Variants in OSBPL3 observed in about 807,000 individuals in gnomAD.
OSBPL3 encodes the protein oxysterol binding protein like 3.
Under a neutral mutation model 120.1 loss-of-function variants are expected in OSBPL3, and 65 were observed. The ratio of observed to expected loss-of-function variants is 0.54; its 90% CI spans 0.44 to 0.67. The LOEUF (loss-of-function observed/expected upper bound fraction) is 0.67, where lower values mean the gene tolerates loss of function less well. Ranked by LOEUF, OSBPL3 falls within the 30% of genes least tolerant of loss-of-function variation. OSBPL3 has a pLI of 0.00. For synonymous variants in OSBPL3, 416 were observed against 402.6 expected (o/e 1.03, Z -0.40); for missense variants, 1,004 against 1,082.1 (o/e 0.93, Z 1.01).
intron 1 of OSBPL3, among the ~76,000 whole-genome samples, chr7:24,928,423 C>T (rs1185719948): frequency 6.6e-6 from 1 of 152,090 alleles, no homozygotes. Context: ...GATCTCCTGA[C>T]CTCGTGATCT....
chr7:24,842,683 T>A (rs955803889), intron 12 of OSBPL3, among the ~76,000 whole-genome samples: 1 of 152,206 alleles, frequency 6.6e-6, no homozygotes, highest in Non-Finnish European at 1.5e-5. Flanking sequence ...TCACTCTTTG[T>A]TCCATTTAAA....
At position 24,968,798 on chromosome 7, in the gene OSBPL3, T is replaced by A. The variant is rs971445272; in HGVS notation, c.-150+11088A>T. The stretch of plus-strand genomic sequence containing the variant: ...ATATATATTATATATGGATATTCTA[T>A]ACTTCACTTTTTTCTTAACTTCACA... On this transcript the variant is annotated intron_variant, in intron 1 of 22. Coordinates refer to ENST00000313367, the MANE Select transcript of OSBPL3 (RefSeq NM_015550.4). This position sits in a 1 kb window ranked among gnomAD's most constrained non-coding sequence, Gnocchi z 4.6. Among the ~76,000 whole-genome samples the A allele has an allele frequency of 6.6e-6, 1 of 152,232 alleles. No individual in the cohort carries two copies. Among genetic ancestry groups the A allele is most frequent in the Non-Finnish European group, 1.5e-5 (1 of 68,044 alleles).
chr7:24,802,603 G>A lies in OSBPL3; in HGVS notation c.2567+1712C>T, dbSNP rs1792508873. Among the ~76,000 whole-genome samples the A allele has an allele frequency of 1.3e-5, 2 of 152,188 alleles. No individual in the cohort carries two copies. The highest frequency in any genetic ancestry group is 6.5e-5 in the Admixed American group (1 of 15,282). On this transcript the variant is annotated intron_variant, in intron 22 of 22. Coordinates refer to ENST00000313367, the MANE Select transcript of OSBPL3 (RefSeq NM_015550.4). The surrounding 1 kb of genome is among the most constrained non-coding windows in gnomAD (Gnocchi z 4.1). Reference sequence around the variant, plus strand: ...CAGCAGAGCTCCACAGGCTTCGTAAGGTCATCCTTAATGCCTCATGTTGGA... The same window carrying A: ...CAGCAGAGCTCCACAGGCTTCGTAAAGTCATCCTTAATGCCTCATGTTGGA...
chr7:24,905,254 GAATAA>G (rs1257411864), intron 1 of OSBPL3, among the ~76,000 whole-genome samples: 2 of 151,960 alleles, frequency 1.3e-5, no homozygotes, highest in African/African-American at 2.4e-5. Flanking sequence ...TAACGGGAAA[GAATAA>G]AATAACCACA....
In OSBPL3 at chr7:24,918,847, T is replaced by C. The variant is rs1397526460; in HGVS notation, c.-149-26226A>G. 6.6e-6 allele frequency among the ~76,000 whole-genome samples: 1 copy of C among 152,176 alleles called. No homozygotes were observed. The highest frequency in any genetic ancestry group is 1.5e-5 in the Non-Finnish European group (1 of 68,016). On this transcript the variant is annotated intron_variant, in intron 1 of 22. Coordinates refer to ENST00000313367, the MANE Select transcript of OSBPL3 (RefSeq NM_015550.4). The surrounding 1 kb of genome is among the most constrained non-coding windows in gnomAD (Gnocchi z 4.3). ...AAGAATTTAGAATCGTATTACAAGG[T>C]ACCAAGAAAGCTTCTGCATCCATGA... is the stretch of plus-strand genomic sequence containing the variant.
rs772760950 is a variant in OSBPL3 at position 24,892,439 on chromosome 7, G to A, written c.34C>T (p.Gln12Ter). The change falls in exon 2 of 23, where the codon CAA becomes TAA. Residue 12 changes from glutamine to a stop codon, truncating the protein, a stop_gained. Coordinates refer to ENST00000313367, the MANE Select transcript of OSBPL3 (RefSeq NM_015550.4). LOFTEE classifies it high-confidence loss of function. ...MSDEKNLGVS[Q>*]KLVSPSRSTS... The stretch of plus-strand genomic sequence containing the variant: ...CTCCTTGAAGGTGATACCAATTTTT[G>A]GGACACACCAAGGTTCTTCTCATCA... 5 of 1,613,702 alleles carry A rather than the reference G, an allele frequency of 3.1e-6. No homozygotes were observed. In the Admixed American group the frequency reaches 8.3e-5, roughly 27 times the overall value.
At position 24,815,006 on chromosome 7, in the gene OSBPL3, T is replaced by C; in HGVS notation, c.2172+53A>G. On this transcript the variant is annotated intron_variant, in intron 19 of 22. Transcript: ENST00000313367. The surrounding 1 kb of genome is among the most constrained non-coding windows in gnomAD (Gnocchi z 5.1). ...TCAAATGCCCTGTGCTCTGGGGCCCTGGCTCTGCCACAGCCCTTCCAGGGT... is the reference window on the plus strand; with the variant it reads ...TCAAATGCCCTGTGCTCTGGGGCCCCGGCTCTGCCACAGCCCTTCCAGGGT... 1 of 1,585,394 alleles carries C rather than the reference T, an allele frequency of 6.3e-7. No homozygotes were observed. The highest frequency in any genetic ancestry group is 1.1e-5 in the South Asian group (1 of 89,892).
Position 24,838,222 on chromosome 7 carries a change from A to G in OSBPL3, c.1495+2468T>C, listed in dbSNP as rs112184783. Reference sequence around the variant, plus strand: ...TCAAGAAAGGCAATGTAGACCAGGCAAGGTGGCTCATGCCTATAATCCCAG... The same window carrying G: ...TCAAGAAAGGCAATGTAGACCAGGCGAGGTGGCTCATGCCTATAATCCCAG... On this transcript the variant is annotated intron_variant, in intron 14 of 22. Transcript: ENST00000313367. Among the ~76,000 whole-genome samples the G allele has an allele frequency of 4.1e-3, 626 of 152,296 alleles. 6 individuals carry two copies. Among genetic ancestry groups the G allele is most frequent in the African/African-American group, 0.015 (609 of 41,566 alleles).
In OSBPL3 at chr7:24,849,280, T is replaced by C; in HGVS notation, c.1159-104A>G. On this transcript the variant is annotated intron_variant, in intron 11 of 22. Transcript: ENST00000313367. This position sits in a 1 kb window ranked among gnomAD's most constrained non-coding sequence, Gnocchi z 5.4. Reference sequence around the variant, plus strand: ...GATCTCTAAGAGCTTGATGAAACTCTTAGTGACGTGGTCTGACAGCGCACT... The same window carrying C: ...GATCTCTAAGAGCTTGATGAAACTCCTAGTGACGTGGTCTGACAGCGCACT... 1 of 810,684 alleles carries C rather than the reference T, an allele frequency of 1.2e-6. No individual in the cohort carries two copies. Among genetic ancestry groups the C allele is most frequent in the South Asian group, 1.7e-5 (1 of 59,898 alleles). 50.2% of individuals were successfully genotyped at this position (810,684 alleles called of 1,614,324 possible).
intron 16 of OSBPL3, among the ~76,000 whole-genome samples, chr7:24,825,240 C>T (rs1323256813): frequency 6.6e-6 from 1 of 152,124 alleles, no homozygotes; most frequent in Non-Finnish European, 1.5e-5. Context: ...GTGGCCTGAG[C>T]TAGGTGACCA....
rs1357846678 is a variant in OSBPL3 at position 24,820,178 on chromosome 7, GC to G, written c.1944del (p.Trp648CysfsTer4). The G allele has an allele frequency of 6.2e-7, 1 of 1,603,006 alleles. No homozygotes were observed. Among genetic ancestry groups the G allele is most frequent in the East Asian group, 2.2e-5 (1 of 44,650 alleles). ...GTAAAATGTATTAGCACATTACCTTGCCAGAAAACAAAATTTCTAGACTCAG... is the reference window on the plus strand; with the variant it reads ...GTAAAATGTATTAGCACATTACCTTGCAGAAAACAAAATTTCTAGACTCAG... ...CHAESRNFVF[W>X]QDVRWKNKFW... is the part of the protein sequence containing the mutation. On this transcript the variant is annotated frameshift_variant, in exon 17 of 23. Transcript: ENST00000313367. LOFTEE classifies it high-confidence loss of function. The surrounding 1 kb of genome is among the most constrained non-coding windows in gnomAD (Gnocchi z 4.6).
At chr7:24,942,552 G>T (rs556432588) in intron 1 of OSBPL3, among the ~76,000 whole-genome samples, 1 of 152,352 alleles carries the variant, frequency 6.6e-6, no homozygotes, top group East Asian at 1.9e-4. Context: ...AGAATTTAGA[G>T]TCCCTGAAAT....
intron 5 of OSBPL3, among the ~76,000 whole-genome samples, chr7:24,869,797 A>G (rs1227730112): frequency 6.6e-6 from 1 of 152,220 alleles, no homozygotes; most frequent in Non-Finnish European, 1.5e-5. Flanking sequence ...ACACGGCTCA[A>G]TCACCACACA....
chr7:24,836,450 CTT>C (rs1797009910), intron 14 of OSBPL3, among the ~76,000 whole-genome samples: 1 of 152,280 alleles, frequency 6.6e-6, no homozygotes, highest in South Asian at 2.1e-4. Context: ...ACCATACTCT[CTT>C]GTTTTATATT....
rs552676913 is a variant in OSBPL3, at chr7:24,879,987, C to T, written c.97-7918G>A. Among the ~76,000 whole-genome samples, 2 of 152,280 alleles carry T rather than the reference C, an allele frequency of 1.3e-5. No homozygotes were observed. The highest frequency in any genetic ancestry group is 4.2e-4 in the South Asian group (2 of 4,814). On this transcript the variant is annotated intron_variant, in intron 2 of 22. Coordinates refer to ENST00000313367, the MANE Select transcript of OSBPL3 (RefSeq NM_015550.4). The surrounding 1 kb of genome is among the most constrained non-coding windows in gnomAD (Gnocchi z 5.6). ...TATGCATTTTTCTCTCCTCCTAATG[C>T]TCTGTTCGGTAAGCAGGGTCTCTTA...
At position 24,879,524 on chromosome 7, in the gene OSBPL3, C is replaced by T. The variant is rs1054256267; in HGVS notation, c.97-7455G>A. ...TTTCAAGTCTTACTACTTGGTTAGCCACAGACCAAAAACACTGGTGCCTTC... is the reference window on the plus strand; with the variant it reads ...TTTCAAGTCTTACTACTTGGTTAGCTACAGACCAAAAACACTGGTGCCTTC... On this transcript the variant is annotated intron_variant, in intron 2 of 22. Transcript: ENST00000313367. This position sits in a 1 kb window ranked among gnomAD's most constrained non-coding sequence, Gnocchi z 5.6. 1.3e-5 allele frequency among the ~76,000 whole-genome samples: 2 copies of T among 152,152 alleles called. No homozygotes were observed. The highest frequency in any genetic ancestry group is 2.9e-5 in the Non-Finnish European group (2 of 68,032).
At chr7:24,921,911 C>T (rs1810429949) in intron 1 of OSBPL3, among the ~76,000 whole-genome samples, 1 of 152,168 alleles carries the variant, frequency 6.6e-6, no homozygotes, top group South Asian at 2.1e-4. Flanking sequence ...AAGGAAGATA[C>T]ATGAAAAGTA....
Position 24,813,675 on chromosome 7 carries a change from T to C in OSBPL3, c.2172+1384A>G, listed in dbSNP as rs113695164. Among the ~76,000 whole-genome samples, 127 of 152,312 alleles carry C rather than the reference T, an allele frequency of 8.3e-4. 1 individual carries two copies. The highest frequency in any genetic ancestry group is 2.9e-3 in the African/African-American group (120 of 41,576). Reference sequence around the variant, plus strand: ...AGTATTCCCTATAGGTTACAGGTGGTGCAGAGAGGCATTGCATGAAGTTCC... The same window carrying C: ...AGTATTCCCTATAGGTTACAGGTGGCGCAGAGAGGCATTGCATGAAGTTCC... On this transcript the variant is annotated intron_variant, in intron 19 of 22. Transcript: ENST00000313367. This position sits in a 1 kb window ranked among gnomAD's most constrained non-coding sequence, Gnocchi z 4.5.
rs574466676 is a variant in OSBPL3 at position 24,953,848 on chromosome 7, G to A, written c.-150+26038C>T. On this transcript the variant is annotated intron_variant, in intron 1 of 22. Transcript: ENST00000313367. The surrounding 1 kb of genome is among the most constrained non-coding windows in gnomAD (Gnocchi z 4.3). ...CTAGAAGCAGGCAGCATGTATCCCA[G>A]GAATAGCTTTTGCTACAAAATGTGA... is the stretch of plus-strand genomic sequence containing the variant. 3.9e-5 allele frequency among the ~76,000 whole-genome samples: 6 copies of A among 152,298 alleles called. No homozygotes were observed. The South Asian group carries it at 1.0e-3, about 26-fold the overall frequency.
Sources: gnomAD v4.1 joint callset for allele counts (sites outside exome capture counted in the v4.1 genomes callset) on GRCh38, gnomAD v4.1.1 for gene constraint, Gnocchi (gnomAD v3.1) non-coding constraint, MANE v1.5 for transcripts, NCBI Gene and HGNC (gene_info 2026-07-23, HGNC 2026-07-21) for gene names.